OBP2B: variants seen among roughly 807,000 people sequenced by gnomAD.
OBP2B encodes the protein odorant-binding protein 2b.
In OBP2B, 10 loss-of-function variants were observed where a neutral mutation model predicts 21.7. The ratio of observed to expected loss-of-function variants is 0.46; its 90% confidence interval spans 0.28 to 0.78. The LOEUF is 0.78. OBP2B is among the 30% of genes least tolerant of loss of function. OBP2B has a pLI of 0.11. For missense variants in OBP2B, 153 were observed against 217.7 expected (o/e 0.70, Z 1.87); for synonymous variants, 73 against 91.5 (o/e 0.80, Z 1.16).
the OBP2B span, among the ~76,000 whole-genome samples, chr9:133,216,581 G>A: frequency 2.0e-5 from 3 of 152,002 alleles, no homozygotes; most frequent in Non-Finnish European, 4.4e-5. Context: ...GCAAAAACCT[G>A]TACATGTGTC....
At chr9:133,214,173 C>A (rs1833947450), upstream of OBP2B, among the ~76,000 whole-genome samples, 1 of 152,166 alleles carries the variant, frequency 6.6e-6, no homozygotes, top group Non-Finnish European at 1.5e-5. Flanking sequence ...TTCAGGAAAA[C>A]AACTCTCAGA....
chr9:133,210,220 A>G (rs1564287987), upstream of OBP2B, among the ~76,000 whole-genome samples: 1 of 152,062 alleles, frequency 6.6e-6, no homozygotes, highest in Non-Finnish European at 1.5e-5. Context: ...TGCATTTCCC[A>G]GGTGTGTGTC....
At chr9:133,217,666 C>T in the OBP2B span, among the ~76,000 whole-genome samples, 4 of 152,200 alleles carry the variant, frequency 2.6e-5, no homozygotes, top group Non-Finnish European at 5.9e-5. Flanking sequence ...GCCCACCTGC[C>T]TTGGGTGGGG....
At chr9:133,207,697 G>A (rs1433656560) in intron 3 of OBP2B, 18 of 504,568 alleles carry the variant, frequency 3.6e-5, no homozygotes, top group African/African-American at 4.4e-5. Flanking sequence ...CCTAACCCTC[G>A]GCCTCCTCAT....
rs144247248 is a variant in OBP2B, at chr9:133,208,480, C to T, written c.195G>A (p.Thr65=). ...TALGGGKLEA[T]FTFMREDRCI... is the part of the protein sequence containing the mutation. ...TGGGCAACACTCACATGAAGGTGAA[C>T]GTGGCTTCCAACTTCCCACCGCCCA... Residue 65 remains threonine, a synonymous_variant, in exon 2 of 7, where the codon ACG becomes ACA. Transcript: ENST00000372034. The T allele has an allele frequency of 1.0e-4, 162 of 1,613,772 alleles. No individual in the cohort carries two copies. In the East Asian group the frequency reaches 1.5e-3, roughly 15 times the overall value.
At chr9:133,209,355 T>A, upstream of OBP2B, 1 of 771,304 alleles carries the variant, frequency 1.3e-6, no homozygotes, top group Non-Finnish European at 2.2e-6. The surrounding 1 kb of genome is among the most constrained non-coding windows in gnomAD (Gnocchi z 6.0). Context: ...CAGTCCTGCA[T>A]CCGGGAGGGG....
chr9:133,212,115 A>C (rs1178693309), upstream of OBP2B, among the ~76,000 whole-genome samples: 1 of 152,276 alleles, frequency 6.6e-6, no homozygotes, highest in African/African-American at 2.4e-5. Flanking sequence ...TTATACAATA[A>C]TAAGTGGGCC....
Position 133,208,617 on chromosome 9 carries a change from G to A in OBP2B, c.73-15C>T. ...GTCCCTGTGATCTGGAGCAGGCCAAGGCCGTGAGCCCACCATGGGTGGCCC... is the reference window on the plus strand; with the variant it reads ...GTCCCTGTGATCTGGAGCAGGCCAAAGCCGTGAGCCCACCATGGGTGGCCC... On this transcript the variant is annotated splice_polypyrimidine_tract_variant and intron_variant, in intron 1 of 6. Transcript: ENST00000372034. 1 of 1,590,426 alleles carries A rather than the reference G, an allele frequency of 6.3e-7. No individual in the cohort carries two copies. The highest frequency in any genetic ancestry group is 1.1e-5 in the South Asian group (1 of 88,774).
upstream of OBP2B, among the ~76,000 whole-genome samples, chr9:133,209,514 C>G (rs1247955671): frequency 2.0e-5 from 3 of 152,182 alleles, no homozygotes; most frequent in Admixed American, 1.3e-4. The surrounding 1 kb of genome is among the most constrained non-coding windows in gnomAD (Gnocchi z 6.0). Context: ...AGGGTGGTGT[C>G]CATCTGCACC....
chr9:133,215,583 A>G, the OBP2B span, among the ~76,000 whole-genome samples: 2 of 152,054 alleles, frequency 1.3e-5, no homozygotes, highest in East Asian at 1.9e-4. Context: ...CAGTAGCACA[A>G]TCTCGACTCA....
At chr9:133,210,389 G>A (rs111973412), upstream of OBP2B, among the ~76,000 whole-genome samples, 26 of 152,134 alleles carry the variant, frequency 1.7e-4, no homozygotes, top group African/African-American at 4.1e-4. Flanking sequence ...TGTAACGAAC[G>A]GGCTGGTGTG....
At position 133,206,301 on chromosome 9, in the gene OBP2B, A is replaced by G. The variant is rs782207071; in HGVS notation, c.490+14T>C. ...AGCAGAGGGACACAGGGGACTGGGC[A>G]CAGCCATCCTCACCCGTCTGCAGGG... is the stretch of plus-strand genomic sequence containing the variant. On this transcript the variant is annotated intron_variant, in intron 5 of 6. Transcript: ENST00000372034. 6 of 1,611,514 alleles carry G rather than the reference A, an allele frequency of 3.7e-6. No individual in the cohort carries two copies. Among genetic ancestry groups the G allele is most frequent in the South Asian group, 1.1e-5 (1 of 91,030 alleles).
Position 133,208,574 on chromosome 9 carries a change from A to C in OBP2B, c.101T>G (p.Met34Arg), listed in dbSNP as rs782249293. The change falls in exon 2 of 7, where the codon ATG becomes AGG. Residue 34 changes from methionine (M) to arginine (R), a missense_variant. By Grantham distance (91) the Met-to-Arg change is moderately conservative. Around this residue, in one of 2 missense-constraint regions of OBP2B, gnomAD observed 151 missense variants for 186.3 expected, o/e 0.81. Coordinates refer to ENST00000372034, the MANE Select transcript of OBP2B (RefSeq NM_014581.4). ...CTCCGGAAAGTCCTTATCGACCACC[A>C]TGGCCTTCACGTACCAGGTCCCTGT... is the stretch of plus-strand genomic sequence containing the variant. ...DITGTWYVKAMVVDKDFPEDR... is the reference protein window; with the variant it reads ...DITGTWYVKARVVDKDFPEDR... 5.0e-6 allele frequency: 8 copies of C among 1,611,996 alleles called. No individual in the cohort carries two copies. Among genetic ancestry groups the C allele is most frequent in the Admixed American group, 1.7e-5 (1 of 59,738 alleles).
chr9:133,222,100 A>AGCTGAGTGTGTCAGTGCGTATGT, the OBP2B span, among the ~76,000 whole-genome samples: 197 of 152,218 alleles, frequency 1.3e-3, no homozygotes, highest in African/African-American at 4.3e-3. Context: ...TGTGGACCCA[A>AGCTGAGTGTGTCAGTGCGTATGT]GCTGAGTGTG....
chr9:133,219,385 T>C, the OBP2B span, among the ~76,000 whole-genome samples: 1 of 152,234 alleles, frequency 6.6e-6, no homozygotes, highest in Non-Finnish European at 1.5e-5. Context: ...GAGTCGAGTC[T>C]AGTATCAACA....
the OBP2B span, among the ~76,000 whole-genome samples, chr9:133,220,391 C>T: frequency 2.6e-5 from 4 of 152,254 alleles, no homozygotes; most frequent in Non-Finnish European, 4.4e-5. Flanking sequence ...TAGGACACAT[C>T]ACTCCCCGGA....
Position 133,206,503 on chromosome 9 carries a change from C to G in OBP2B, c.389-87G>C, listed in dbSNP as rs75076811. On this transcript the variant is annotated intron_variant, in intron 4 of 6. Coordinates refer to ENST00000372034, the MANE Select transcript of OBP2B (RefSeq NM_014581.4). ...GATGCCGAAAGGAGACGACCACGGC[C>G]CAGCACCAGGACAGGGGGAGAGGCC... The G allele has an allele frequency of 4.4e-3, 6,907 of 1,554,376 alleles. 251 individuals are homozygous for G. The African/African-American group carries it at 0.083, about 19-fold the overall frequency.
At chr9:133,223,190 G>A in the OBP2B span, among the ~76,000 whole-genome samples, 1 of 152,208 alleles carries the variant, frequency 6.6e-6, no homozygotes, top group African/African-American at 2.4e-5. The surrounding 1 kb of genome is among the most constrained non-coding windows in gnomAD (Gnocchi z 4.4). Context: ...ACGCCAGGAT[G>A]GCCCCACATA....
chr9:133,206,549 G>C (rs1208676386), intron 4 of OBP2B, 133 bp from the exon 5 acceptor site: 104 of 1,190,442 alleles, frequency 8.7e-5, no homozygotes, highest in Non-Finnish European at 1.2e-4. Flanking sequence ...TCAGAGCTCG[G>C]GGGTGGGGCT....
Sources: gnomAD v4.1 joint callset for allele counts (sites outside exome capture counted in the v4.1 genomes callset) on GRCh38, gnomAD v4.1.1 for gene constraint, gnomAD v4.1.1 regional missense constraint, Gnocchi (gnomAD v3.1) non-coding constraint, MANE v1.5 for transcripts, NCBI Gene and HGNC (gene_info 2026-07-23, HGNC 2026-07-21) for gene names.